Variants in HS3ST3A1 observed in about 807,000 individuals in gnomAD.
HS3ST3A1 encodes heparan sulfate-glucosamine 3-sulfotransferase 3A1.
In HS3ST3A1, 19 loss-of-function variants were observed where a neutral mutation model predicts 25.7. The observed-to-expected ratio is 0.74, with a 90% CI of 0.52 to 1.08. HS3ST3A1 has a LOEUF of 1.08. Ranked by LOEUF, HS3ST3A1 falls within the 50% of genes least tolerant of loss-of-function variation. The pLI is 0.00. For synonymous variants in HS3ST3A1, 226 were observed against 278.6 expected, an observed-to-expected ratio of 0.81 and a Z score of 1.88; for missense variants, 459 against 594.3, an observed-to-expected ratio of 0.77 and a Z score of 2.37.
chr17:13,582,624 G>A (rs193064676), intron 1 of HS3ST3A1, among the ~76,000 whole-genome samples: 14 of 152,306 alleles, frequency 9.2e-5, no homozygotes, highest in African/African-American at 1.9e-4. Context: ...GGAGTTGCAC[G>A]TGAAATGAAA....
At chr17:13,534,494 A>G (rs1031338582) in intron 1 of HS3ST3A1, among the ~76,000 whole-genome samples, 13 of 137,766 alleles carry the variant, frequency 9.4e-5, no homozygotes, top group African/African-American at 3.6e-4. Context: ...GCTTGAGCCC[A>G]GGAGTTTGAG....
At chr17:13,586,479 G>A (rs957380936) in intron 1 of HS3ST3A1, among the ~76,000 whole-genome samples, 8 of 151,838 alleles carry the variant, frequency 5.3e-5, no homozygotes, top group Admixed American at 5.3e-4. Flanking sequence ...CCAGTGCCTT[G>A]AGCAGCCAGT....
chr17:13,510,015 G>A (rs1336847040), intron 1 of HS3ST3A1, among the ~76,000 whole-genome samples: 2 of 152,350 alleles, frequency 1.3e-5, no homozygotes, highest in Non-Finnish European at 2.9e-5. Flanking sequence ...AACTGTGAAA[G>A]TTACATTAAA....
chr17:13,530,965 CT>C (rs1325284655), intron 1 of HS3ST3A1, among the ~76,000 whole-genome samples: 1 of 152,154 alleles, frequency 6.6e-6, no homozygotes. Context: ...AACCCAGTGA[CT>C]TTCACATCCT....
In HS3ST3A1 at chr17:13,495,313, C is replaced by T. The variant is rs566575003; in HGVS notation, c.*884G>A. ...GTCAAGATTTCCATATCTCAGTGTA[C>T]TTTAAATAGCCAAGAGGCAAGACTG... On this transcript the variant is annotated 3_prime_UTR_variant, in exon 2 of 2. Transcript: ENST00000284110. Among the ~76,000 whole-genome samples the T allele has an allele frequency of 6.6e-6, 1 of 152,216 alleles. No homozygotes were observed. The highest frequency in any genetic ancestry group is 2.4e-5 in the African/African-American group (1 of 41,532).
At chr17:13,549,531 T>C (rs1181025055) in intron 1 of HS3ST3A1, among the ~76,000 whole-genome samples, 1 of 152,208 alleles carries the variant, frequency 6.6e-6, no homozygotes, top group East Asian at 1.9e-4. Context: ...GCCGCATTCC[T>C]TTGTTCCACC....
At position 13,600,511 on chromosome 17, in the gene HS3ST3A1, C is replaced by A. The variant is rs756593603; in HGVS notation, c.599+20G>T. 1.3e-6 allele frequency: 2 copies of A among 1,572,936 alleles called. No homozygotes were observed. The highest frequency in any genetic ancestry group is 1.1e-5 in the South Asian group (1 of 86,974). On this transcript the variant is annotated intron_variant, in intron 1 of 1. Transcript: ENST00000284110. ...GGACCCCCGGATCCTTCAGCCCCAG[C>A]CCGGGCCCGCCCCGCTCACCGGTAC...
At chr17:13,555,304 G>A (rs1339661635) in intron 1 of HS3ST3A1, among the ~76,000 whole-genome samples, 1 of 152,142 alleles carries the variant, frequency 6.6e-6, no homozygotes, top group Non-Finnish European at 1.5e-5. Flanking sequence ...TGGAACAGGT[G>A]GAGGAAGAAA....
At chr17:13,544,262 G>C (rs1206667350) in intron 1 of HS3ST3A1, among the ~76,000 whole-genome samples, 1 of 152,182 alleles carries the variant, frequency 6.6e-6, no homozygotes, top group African/African-American at 2.4e-5. Flanking sequence ...AACCCTGGAA[G>C]TTTGCCTTAC....
chr17:13,579,000 C>T (rs1486976032), intron 1 of HS3ST3A1, among the ~76,000 whole-genome samples: 1 of 152,068 alleles, frequency 6.6e-6, no homozygotes, highest in Non-Finnish European at 1.5e-5. Flanking sequence ...ATTTTCTTGA[C>T]CATATCACAT....
At chr17:13,578,015 A>T (rs1002670344) in intron 1 of HS3ST3A1, among the ~76,000 whole-genome samples, 3 of 152,190 alleles carry the variant, frequency 2.0e-5, no homozygotes, top group African/African-American at 7.2e-5. Context: ...CAAAAGATTT[A>T]AAAAATGCAT....
chr17:13,501,177 G>A (rs1410871240), intron 1 of HS3ST3A1, among the ~76,000 whole-genome samples: 1 of 151,988 alleles, frequency 6.6e-6, no homozygotes, highest in Non-Finnish European at 1.5e-5. Context: ...AGAGTTGTGG[G>A]GATCGATCAC....
intron 1 of HS3ST3A1, among the ~76,000 whole-genome samples, chr17:13,571,626 G>T (rs1907815024): frequency 6.6e-6 from 1 of 152,138 alleles, no homozygotes; most frequent in Non-Finnish European, 1.5e-5. Flanking sequence ...AGAGAGGATA[G>T]GTAGATGGAA....
At chr17:13,519,196 A>C (rs1389733518) in intron 1 of HS3ST3A1, among the ~76,000 whole-genome samples, 2 of 152,230 alleles carry the variant, frequency 1.3e-5, no homozygotes, top group Non-Finnish European at 2.9e-5. Flanking sequence ...ATGTGTTCTT[A>C]AAACACCAAA....
chr17:13,571,640 T>C (rs983003105), intron 1 of HS3ST3A1, among the ~76,000 whole-genome samples: 2 of 152,186 alleles, frequency 1.3e-5, no homozygotes, highest in Non-Finnish European at 2.9e-5. Flanking sequence ...GATGGAAACA[T>C]ATATGATAAA....
intron 1 of HS3ST3A1, among the ~76,000 whole-genome samples, chr17:13,548,285 C>A (rs1907142271): frequency 6.6e-6 from 1 of 152,174 alleles, no homozygotes; most frequent in South Asian, 2.1e-4. Context: ...TGTAAATGGC[C>A]ATATTCTGTG....
chr17:13,566,322 G>A (rs750733281), intron 1 of HS3ST3A1, among the ~76,000 whole-genome samples: 4 of 152,084 alleles, frequency 2.6e-5, no homozygotes, highest in Non-Finnish European at 5.9e-5. Flanking sequence ...TAGAAGACAA[G>A]GAATTTTATT....
At chr17:13,508,957 T>C (rs1480913475) in intron 1 of HS3ST3A1, among the ~76,000 whole-genome samples, 2 of 149,314 alleles carry the variant, frequency 1.3e-5, no homozygotes, top group Non-Finnish European at 2.9e-5. Context: ...GGTAAGCATC[T>C]CTTTAATTTT....
At chr17:13,529,288 G>A (rs1906529540) in intron 1 of HS3ST3A1, among the ~76,000 whole-genome samples, 1 of 152,030 alleles carries the variant, frequency 6.6e-6, no homozygotes. Context: ...CATGTTTTGA[G>A]GAAAGAAAAT....
Sources: gnomAD v4.1 joint callset for allele counts (sites outside exome capture counted in the v4.1 genomes callset) on GRCh38, gnomAD v4.1.1 for gene constraint, MANE v1.5 for transcripts, NCBI Gene and HGNC (gene_info 2026-07-23, HGNC 2026-07-21) for gene names.